Variants in DOCK3 observed in about 807,000 individuals in gnomAD.
DOCK3 encodes the protein dedicator of cytokinesis protein 3.
A neutral mutation model predicts 265.6 loss-of-function variants in DOCK3; 60 were observed. That is an observed-to-expected ratio of 0.23 (90% CI 0.18 to 0.28). The LOEUF is 0.28. DOCK3 is among the 10% of genes least tolerant of loss of function. The pLI is 1.00. For synonymous variants in DOCK3, 881 were observed against 938.0 expected (o/e 0.94, Z 1.11); for missense variants, 1,981 against 2,594.3 (o/e 0.76, Z 5.14).
chr3:51,169,948 A>C (rs2086594748), intron 12 of DOCK3, among the ~76,000 whole-genome samples: 1 of 152,176 alleles, frequency 6.6e-6, no homozygotes, highest in Non-Finnish European at 1.5e-5. Context: ...TGTGTTCATC[A>C]GAAATTTTGC....
chr3:50,766,222 A>G (rs1477893483), intron 1 of DOCK3, among the ~76,000 whole-genome samples: 2 of 151,468 alleles, frequency 1.3e-5, no homozygotes, highest in South Asian at 2.1e-4. Context: ...TGCTGCACCC[A>G]TTAACTTGTC....
chr3:50,912,030 T>C (rs2049881023), intron 4 of DOCK3, among the ~76,000 whole-genome samples: 1 of 152,154 alleles, frequency 6.6e-6, no homozygotes, highest in Admixed American at 6.5e-5. Flanking sequence ...TGTTATATAC[T>C]GCAACTTTAC....
At chr3:51,301,789 T>G (rs2082374014) in intron 27 of DOCK3, among the ~76,000 whole-genome samples, 1 of 152,214 alleles carries the variant, frequency 6.6e-6, no homozygotes, top group Non-Finnish European at 1.5e-5. Context: ...CACTGTGTTC[T>G]GAGATCCTGT....
intron 1 of DOCK3, among the ~76,000 whole-genome samples, chr3:50,705,357 C>T (rs1014113826): frequency 6.6e-6 from 1 of 151,910 alleles, no homozygotes; most frequent in African/African-American, 2.4e-5. Context: ...GGGGCAGTTC[C>T]CCCTGTGCTG....
At chr3:51,148,982 A>G (rs1348006642) in intron 10 of DOCK3, among the ~76,000 whole-genome samples, 1 of 152,206 alleles carries the variant, frequency 6.6e-6, no homozygotes, top group Non-Finnish European at 1.5e-5. Context: ...TGAGCATGGA[A>G]TATTCTTCCA....
intron 5 of DOCK3, among the ~76,000 whole-genome samples, chr3:51,028,725 TG>T (rs1575816082): frequency 6.6e-6 from 1 of 152,358 alleles, no homozygotes; most frequent in East Asian, 1.9e-4. Flanking sequence ...AGGTTTCCAA[TG>T]CATTTTGAAA....
intron 5 of DOCK3, among the ~76,000 whole-genome samples, chr3:51,053,231 C>A (rs1310244408): frequency 6.7e-6 from 1 of 149,230 alleles, no homozygotes; most frequent in African/African-American, 2.5e-5. Context: ...ATTTTTTAAA[C>A]CCTCTTAGTT....
At chr3:50,875,180 C>T (rs894266880) in intron 3 of DOCK3, among the ~76,000 whole-genome samples, 2 of 151,940 alleles carry the variant, frequency 1.3e-5, no homozygotes, top group African/African-American at 4.8e-5. Context: ...CAAACCTGCA[C>T]GTTCTGCACA....
rs866647558 is a variant in DOCK3, at chr3:50,943,551, T to C, written c.315+9474T>C. ...TATTAATGGAGATTACTTAAGGGGC[T>C]AAGGTGTTAGATGTTTTCTTTTTCT... On this transcript the variant is annotated intron_variant, in intron 5 of 52. Transcript: ENST00000266037. Among the ~76,000 whole-genome samples the C allele has an allele frequency of 2.0e-5, 3 of 152,136 alleles. No homozygotes were observed. The South Asian group carries it at 6.2e-4, about 32-fold the overall frequency.
intron 5 of DOCK3, among the ~76,000 whole-genome samples, chr3:51,051,448 G>A (rs1396735845): frequency 6.6e-6 from 1 of 152,130 alleles, no homozygotes; most frequent in Non-Finnish European, 1.5e-5. Flanking sequence ...ATGTGGTATG[G>A]TAATAGTCAC....
chr3:51,079,177 A>G (rs1290062878), intron 7 of DOCK3, among the ~76,000 whole-genome samples: 1 of 152,186 alleles, frequency 6.6e-6, no homozygotes, highest in East Asian at 1.9e-4. Context: ...TTTTAGGGAA[A>G]AAATCCTGTA....
At chr3:50,780,984 C>A (rs576832802) in intron 2 of DOCK3, among the ~76,000 whole-genome samples, 2 of 152,080 alleles carry the variant, frequency 1.3e-5, no homozygotes, top group African/African-American at 4.8e-5. Context: ...AATGGCAGGA[C>A]TTCAGTATTT....
chr3:50,860,158 G>A (rs1246796299), intron 3 of DOCK3, among the ~76,000 whole-genome samples: 4 of 152,180 alleles, frequency 2.6e-5, no homozygotes, highest in East Asian at 1.9e-4. Context: ...ATGAGCCATG[G>A]GGGTTGTATG....
rs200179650 is a variant in DOCK3, at chr3:51,227,464, C to A, written c.1540+19C>A. 62 of 1,613,426 alleles carry A rather than the reference C, an allele frequency of 3.8e-5. No homozygotes were observed. The East Asian group carries it at 8.5e-4, about 22-fold the overall frequency. Reference sequence around the variant, plus strand: ...TGTTCCAGTGAGTTAGACTTCCCCCCCTCCACATTCCCTTGAGAATATAAA... The same window carrying A: ...TGTTCCAGTGAGTTAGACTTCCCCCACTCCACATTCCCTTGAGAATATAAA... On this transcript the variant is annotated intron_variant, in intron 16 of 52. Coordinates refer to ENST00000266037, the MANE Select transcript of DOCK3 (RefSeq NM_004947.5).
In DOCK3 at chr3:51,381,549, G is replaced by C. The variant is rs781790201; in HGVS notation, c.6083G>C (p.Gly2028Ala). The C allele has an allele frequency of 3.8e-5, 58 of 1,536,004 alleles. 2 individuals are homozygous for C. The South Asian group carries it at 7.0e-4, about 19-fold the overall frequency. Residue 2028 changes from glycine (G) to alanine (A), a missense_variant, in exon 53 of 53, where the codon GGG becomes GCG. Transcript: ENST00000266037. The surrounding 1 kb of genome is among the most constrained non-coding windows in gnomAD (Gnocchi z 5.6). ...QARMAWEHGR[G>A]EQ Reference sequence around the variant, plus strand: ...CGCATGGCCTGGGAGCACGGCCGAGGGGAGCAGTGAGGGGCAACGAGGCGG... The same window carrying C: ...CGCATGGCCTGGGAGCACGGCCGAGCGGAGCAGTGAGGGGCAACGAGGCGG...
chr3:51,057,192 C>T (rs1472250236), intron 5 of DOCK3, among the ~76,000 whole-genome samples: 1 of 152,250 alleles, frequency 6.6e-6, no homozygotes, highest in East Asian at 1.9e-4. Context: ...AAAACATATT[C>T]TTTTTTTCTG....
intron 4 of DOCK3, among the ~76,000 whole-genome samples, chr3:50,912,770 A>G (rs901190627): frequency 7.2e-5 from 11 of 151,984 alleles, no homozygotes; most frequent in African/African-American, 2.7e-4. Context: ...ACTACTGTTG[A>G]TGTTCCCTTA....
At chr3:51,258,100 C>T (rs1290676223) in intron 22 of DOCK3, among the ~76,000 whole-genome samples, 2 of 152,190 alleles carry the variant, frequency 1.3e-5, no homozygotes, top group Admixed American at 1.3e-4. Flanking sequence ...AGCTCTCATG[C>T]CCAAAAGGTG....
intron 25 of DOCK3, among the ~76,000 whole-genome samples, chr3:51,275,929 ATTAC>A (rs1016724153): frequency 2.0e-5 from 3 of 152,220 alleles, no homozygotes; most frequent in Non-Finnish European, 4.4e-5. Flanking sequence ...AGAAAGGCAT[ATTAC>A]TTATAGAAAA....
Sources: gnomAD v4.1 joint callset for allele counts (sites outside exome capture counted in the v4.1 genomes callset) on GRCh38, gnomAD v4.1.1 for gene constraint, Gnocchi (gnomAD v3.1) non-coding constraint, MANE v1.5 for transcripts, NCBI Gene and HGNC (gene_info 2026-07-23, HGNC 2026-07-21) for gene names.